The following TFAP2D variants were observed in gnomAD, a reference collection of about 807,000 sequenced individuals.
TFAP2D encodes the protein transcription factor AP-2 delta.
Under a neutral mutation model 43.6 loss-of-function variants are expected in TFAP2D, and 9 were observed. The observed-to-expected ratio is 0.21, with a 90% CI of 0.12 to 0.36. TFAP2D has a LOEUF of 0.36. Ranked by LOEUF, TFAP2D falls within the 10% of genes least tolerant of loss-of-function variation. The probability of loss-of-function intolerance (pLI) is 1.00; values close to 1 mark genes in which losing one functional copy is unlikely to be tolerated. For missense variants in TFAP2D, 513 were observed against 561.4 expected (o/e 0.91, Z 0.87); for synonymous variants, 256 against 224.9 (o/e 1.14, Z -1.24).
intron 7 of TFAP2D, among the ~76,000 whole-genome samples, chr6:50,757,712 G>T (rs866054979): frequency 3.9e-5 from 2 of 50,940 alleles, no homozygotes; most frequent in East Asian, 6.5e-4. Flanking sequence ...TATATATATA[G>T]AATATATATA....
chr6:50,733,488 AT>A (rs1768921417), intron 5 of TFAP2D, among the ~76,000 whole-genome samples: 1 of 152,118 alleles, frequency 6.6e-6, no homozygotes, highest in Non-Finnish European at 1.5e-5. Flanking sequence ...TGTTGGAATA[AT>A]TTTATACTCT....
intron 7 of TFAP2D, among the ~76,000 whole-genome samples, chr6:50,766,299 A>T (rs1297126032): frequency 1.3e-5 from 2 of 151,884 alleles, no homozygotes; most frequent in Non-Finnish European, 2.9e-5. Context: ...GTAGCATGAT[A>T]TTTTCATCTT....
intron 5 of TFAP2D, among the ~76,000 whole-genome samples, chr6:50,730,599 C>A (rs1187679908): frequency 2.0e-5 from 3 of 152,072 alleles, no homozygotes; most frequent in Non-Finnish European, 4.4e-5. Flanking sequence ...TTATAGTTAT[C>A]ATTGTTTAAA....
rs750522034 is a variant in TFAP2D at position 50,719,138 on chromosome 6, G to A, written c.586G>A (p.Val196Met). ...GCTTGTTCTCAATGGCCAAGGTGGA[G>A]TGATAAGAAGAGGTAAGTAACAAGT... ...CGLVLNGQGG[V>M]IRRGGTCVVN... The change falls in exon 3 of 8, where the codon GTG becomes ATG. Residue 196 changes from valine to methionine, a missense_variant. Physicochemically the swap from Val to Met is conservative, Grantham distance 21. Coordinates refer to ENST00000008391, the MANE Select transcript of TFAP2D (RefSeq NM_172238.4). 7 of 1,613,902 alleles carry A rather than the reference G, an allele frequency of 4.3e-6. No individual in the cohort carries two copies. The highest frequency in any genetic ancestry group is 2.2e-5 in the East Asian group (1 of 44,872).
At chr6:50,759,022 T>G (rs1279896620) in intron 7 of TFAP2D, among the ~76,000 whole-genome samples, 1 of 151,970 alleles carries the variant, frequency 6.6e-6, no homozygotes, top group Non-Finnish European at 1.5e-5. Context: ...TTTTTATGGA[T>G]TTTTAGATTT....
intron 5 of TFAP2D, among the ~76,000 whole-genome samples, chr6:50,743,643 C>T (rs1485014597): frequency 6.6e-6 from 1 of 152,044 alleles, no homozygotes; most frequent in Admixed American, 6.6e-5. Flanking sequence ...CTTCTGCCTC[C>T]CAAAGTGCTA....
chr6:50,714,989 G>T, intron 1 of TFAP2D, 127 bp from the exon 2 acceptor site: 1 of 1,296,652 alleles, frequency 7.7e-7, no homozygotes, highest in Non-Finnish European at 1.0e-6. Flanking sequence ...GGCTCGGCCC[G>T]AGTCCTACGC....
intron 5 of TFAP2D, among the ~76,000 whole-genome samples, chr6:50,744,124 G>A (rs185915314): frequency 3.9e-5 from 6 of 152,234 alleles, no homozygotes; most frequent in South Asian, 2.1e-4. Context: ...GGGGTTTGGT[G>A]TACAGATTAT....
At chr6:50,757,740 A>C (rs1769303650) in intron 7 of TFAP2D, among the ~76,000 whole-genome samples, 1 of 69,438 alleles carries the variant, frequency 1.4e-5, no homozygotes. Context: ...TATATATAGA[A>C]TATATATAAT....
At chr6:50,754,945 A>C (rs1462661188) in intron 7 of TFAP2D, among the ~76,000 whole-genome samples, 1 of 151,798 alleles carries the variant, frequency 6.6e-6, no homozygotes, top group African/African-American at 2.4e-5. Flanking sequence ...TCTTTGGTAC[A>C]TAGTTTTAAA....
intron 5 of TFAP2D, among the ~76,000 whole-genome samples, chr6:50,737,133 A>G (rs1768975640): frequency 6.6e-6 from 1 of 152,050 alleles, no homozygotes. Context: ...GACACATGCC[A>G]CCATGCTTGG....
At chr6:50,745,008 C>A in intron 5 of TFAP2D, 99 bp from the exon 6 acceptor site, 1 of 1,433,740 alleles carries the variant, frequency 7.0e-7, no homozygotes, top group Non-Finnish European at 9.4e-7. Flanking sequence ...AATGATTTGT[C>A]TGACCACAGC....
chr6:50,732,620 T>C (rs1768909775), intron 5 of TFAP2D, among the ~76,000 whole-genome samples: 1 of 152,084 alleles, frequency 6.6e-6, no homozygotes, highest in Non-Finnish European at 1.5e-5. Context: ...CTTGCCATTG[T>C]TGATATTTTC....
intron 5 of TFAP2D, among the ~76,000 whole-genome samples, chr6:50,735,019 T>A (rs1185168581): frequency 6.6e-6 from 1 of 152,122 alleles, no homozygotes; most frequent in Non-Finnish European, 1.5e-5. Context: ...ACACATAACT[T>A]GTCTGAGCAT....
chr6:50,733,389 A>C (rs1322167215), intron 5 of TFAP2D, among the ~76,000 whole-genome samples: 1 of 152,016 alleles, frequency 6.6e-6, no homozygotes, highest in African/African-American at 2.4e-5. Flanking sequence ...CATTGCTCTC[A>C]TCCATTCTAG....
intron 7 of TFAP2D, among the ~76,000 whole-genome samples, chr6:50,758,128 T>C (rs918572643): frequency 6.6e-6 from 1 of 151,728 alleles, no homozygotes; most frequent in Non-Finnish European, 1.5e-5. Context: ...ACTCATAAAT[T>C]ATCCTGACAG....
intron 7 of TFAP2D, among the ~76,000 whole-genome samples, chr6:50,754,800 C>A (rs971251411): frequency 3.3e-5 from 5 of 151,750 alleles, no homozygotes; most frequent in Non-Finnish European, 7.4e-5. Context: ...AAGTTCTTTG[C>A]CCACTTTTTG....
intron 3 of TFAP2D, among the ~76,000 whole-genome samples, chr6:50,720,392 T>C (rs939804619): frequency 1.8e-4 from 27 of 152,212 alleles, no homozygotes; most frequent in African/African-American, 6.0e-4. Context: ...TGCTTTCCTT[T>C]TGGAACTTGG....
At chr6:50,731,885 A>G (rs898020227) in intron 5 of TFAP2D, among the ~76,000 whole-genome samples, 4 of 152,160 alleles carry the variant, frequency 2.6e-5, no homozygotes. Flanking sequence ...ATACAGAATA[A>G]TAGTAACCCA....
Sources: gnomAD v4.1 joint callset for allele counts (sites outside exome capture counted in the v4.1 genomes callset) on GRCh38, gnomAD v4.1.1 for gene constraint, MANE v1.5 for transcripts, NCBI Gene and HGNC (gene_info 2026-07-23, HGNC 2026-07-21) for gene names.